The following HS3ST3A1 variants were observed in gnomAD, a reference collection of about 807,000 sequenced individuals.
The protein encoded by HS3ST3A1 is heparan sulfate glucosamine 3-O-sulfotransferase 3A1.
In HS3ST3A1, 19 loss-of-function variants were observed where a neutral mutation model predicts 25.7. The ratio of observed to expected loss-of-function variants is 0.74; its 90% confidence interval spans 0.52 to 1.08. The LOEUF is 1.08. Ranked by LOEUF, HS3ST3A1 falls within the 50% of genes least tolerant of loss-of-function variation. The pLI, the probability that HS3ST3A1 is intolerant of heterozygous loss-of-function variation, is 0.00. For missense variants in HS3ST3A1, 459 were observed against 594.3 expected (o/e 0.77, Z 2.37); for synonymous variants, 226 against 278.6 (o/e 0.81, Z 1.88).
intron 1 of HS3ST3A1, among the ~76,000 whole-genome samples, chr17:13,574,823 T>A (rs138004986): frequency 6.6e-6 from 1 of 152,010 alleles, no homozygotes; most frequent in Non-Finnish European, 1.5e-5. Flanking sequence ...ATGTTCCCCA[T>A]GTCAATAGAT....
intron 1 of HS3ST3A1, among the ~76,000 whole-genome samples, chr17:13,579,182 C>T (rs771620742): frequency 4.6e-5 from 7 of 152,050 alleles, no homozygotes; most frequent in Non-Finnish European, 7.4e-5. Context: ...ACAGTACTGC[C>T]GGGAGTGTAA....
At chr17:13,561,033 A>T (rs1478500421) in intron 1 of HS3ST3A1, among the ~76,000 whole-genome samples, 1 of 152,176 alleles carries the variant, frequency 6.6e-6, no homozygotes, top group Non-Finnish European at 1.5e-5. Context: ...TGTTTGTAAC[A>T]CATCTCAGCC....
At chr17:13,565,134 TC>T (rs1907645922) in intron 1 of HS3ST3A1, among the ~76,000 whole-genome samples, 1 of 114,912 alleles carries the variant, frequency 8.7e-6, no homozygotes. Flanking sequence ...TGAATCCCTT[TC>T]CAGTTTAGAA....
At chr17:13,526,477 TATATATATATATATATATATATATA>T (rs957379345) in intron 1 of HS3ST3A1, among the ~76,000 whole-genome samples, 1 of 35,236 alleles carries the variant, frequency 2.8e-5, no homozygotes, top group African/African-American at 1.1e-4. Context: ...TTAATTTTTA[TATATATATATATATATATATATATA>T]TATATATATA....
At chr17:13,509,142 A>G (rs188820182) in intron 1 of HS3ST3A1, among the ~76,000 whole-genome samples, 1 of 152,282 alleles carries the variant, frequency 6.6e-6, no homozygotes, top group Admixed American at 6.5e-5. Context: ...CTGACAAATG[A>G]AGGAGGAGAC....
At chr17:13,555,170 C>T (rs1907338808) in intron 1 of HS3ST3A1, among the ~76,000 whole-genome samples, 1 of 152,240 alleles carries the variant, frequency 6.6e-6, no homozygotes. Flanking sequence ...ACAGATTACA[C>T]CCTTATGCCT....
intron 1 of HS3ST3A1, among the ~76,000 whole-genome samples, chr17:13,531,476 G>C (rs1328171121): frequency 1.3e-5 from 2 of 152,122 alleles, no homozygotes; most frequent in African/African-American, 4.8e-5. Context: ...AAGTGTTTCA[G>C]ACAGGAAAGA....
chr17:13,525,638 T>A (rs1431304253), intron 1 of HS3ST3A1, among the ~76,000 whole-genome samples: 1 of 152,154 alleles, frequency 6.6e-6, no homozygotes, highest in African/African-American at 2.4e-5. Context: ...TGAAACTCTA[T>A]ATCATAGAGG....
At chr17:13,548,333 T>C (rs1907144099) in intron 1 of HS3ST3A1, among the ~76,000 whole-genome samples, 1 of 152,146 alleles carries the variant, frequency 6.6e-6, no homozygotes, top group Non-Finnish European at 1.5e-5. Context: ...ACCCCTGGTC[T>C]CTTCTTTTAA....
chr17:13,593,233 C>CAAAAAAAGAAAAAA (rs1908478842), intron 1 of HS3ST3A1, among the ~76,000 whole-genome samples: 1 of 103,186 alleles, frequency 9.7e-6, no homozygotes, highest in Non-Finnish European at 1.9e-5. Context: ...TGTTTGTAGC[C>CAAAAAAAGAAAAAA]AAAAAAAAAA....
intron 1 of HS3ST3A1, among the ~76,000 whole-genome samples, chr17:13,508,963 A>AT (rs111659579): frequency 0.021 from 3,011 of 143,440 alleles, 63 homozygotes; most frequent in African/African-American, 0.058. Flanking sequence ...CATCTCTTTA[A>AT]TTTTTTTTTT....
At chr17:13,530,458 G>T (rs1567615645) in intron 1 of HS3ST3A1, among the ~76,000 whole-genome samples, 1 of 152,144 alleles carries the variant, frequency 6.6e-6, no homozygotes, top group Non-Finnish European at 1.5e-5. Context: ...TCAGTAACTT[G>T]TACCAAGTTA....
chr17:13,565,130 C>T (rs1907645775), intron 1 of HS3ST3A1, among the ~76,000 whole-genome samples: 1 of 127,380 alleles, frequency 7.9e-6, no homozygotes, highest in Non-Finnish European at 1.8e-5. Context: ...TTATTGAATC[C>T]CTTTCCAGTT....
chr17:13,567,781 G>A (rs574271237), intron 1 of HS3ST3A1, among the ~76,000 whole-genome samples: 146 of 152,302 alleles, frequency 9.6e-4, no homozygotes, highest in Middle Eastern at 3.4e-3. Context: ...ACCTTGAACC[G>A]ATAATGAGTT....
At position 13,494,428 on chromosome 17, in the gene HS3ST3A1, T is replaced by C. The variant is rs1905216594; in HGVS notation, c.*1769A>G. Among the ~76,000 whole-genome samples the C allele has an allele frequency of 6.6e-6, 1 of 152,236 alleles. No homozygotes were observed. The highest frequency in any genetic ancestry group is 1.5e-5 in the Non-Finnish European group (1 of 68,042). Reference sequence around the variant, plus strand: ...TTTTTTCCTTCATTTTAATCCTGTGTTAAGCTTCTCAAGAAATATTTACAT... The same window carrying C: ...TTTTTTCCTTCATTTTAATCCTGTGCTAAGCTTCTCAAGAAATATTTACAT... On this transcript the variant is annotated 3_prime_UTR_variant, in exon 2 of 2. Coordinates refer to ENST00000284110, the MANE Select transcript of HS3ST3A1 (RefSeq NM_006042.3).
chr17:13,504,898 G>C (rs930835536), intron 1 of HS3ST3A1, among the ~76,000 whole-genome samples: 1 of 152,214 alleles, frequency 6.6e-6, no homozygotes, highest in Non-Finnish European at 1.5e-5. Context: ...ACAGTGGTGT[G>C]CAGTGTAACC....
intron 1 of HS3ST3A1, among the ~76,000 whole-genome samples, chr17:13,576,013 C>A (rs901141905): frequency 2.0e-5 from 3 of 152,214 alleles, no homozygotes; most frequent in Non-Finnish European, 4.4e-5. Flanking sequence ...CATGTTAAGC[C>A]TACTGCATTG....
intron 1 of HS3ST3A1, among the ~76,000 whole-genome samples, chr17:13,577,328 G>C (rs1456905807): frequency 3.3e-5 from 5 of 152,172 alleles, no homozygotes; most frequent in African/African-American, 4.8e-5. Context: ...GCCAGGACTG[G>C]AGGAAATCTT....
chr17:13,548,565 T>C (rs1447775711), intron 1 of HS3ST3A1, among the ~76,000 whole-genome samples: 1 of 152,164 alleles, frequency 6.6e-6, no homozygotes, highest in Non-Finnish European at 1.5e-5. Flanking sequence ...TCCCCCAGTC[T>C]ACCATATTCT....
Sources: gnomAD v4.1 joint callset for allele counts (sites outside exome capture counted in the v4.1 genomes callset) on GRCh38, gnomAD v4.1.1 for gene constraint, MANE v1.5 for transcripts, NCBI Gene and HGNC (gene_info 2026-07-23, HGNC 2026-07-21) for gene names.